Variants in CRB1 observed in about 807,000 individuals in gnomAD.
CRB1 encodes crumbs cell polarity complex component 1.
In CRB1, 83 loss-of-function variants were observed where a neutral mutation model predicts 120.0. The observed-to-expected ratio is 0.69, with a 90% CI of 0.58 to 0.83. CRB1 has a LOEUF of 0.83. CRB1 is among the 40% of genes least tolerant of loss of function. The pLI, the probability that CRB1 is intolerant of heterozygous loss-of-function variation, is 0.00. For synonymous variants in CRB1, 625 were observed against 612.5 expected, an observed-to-expected ratio of 1.02 and a Z score of -0.30; for missense variants, 1,699 against 1,687.6, an observed-to-expected ratio of 1.01 and a Z score of -0.12.
intron 5 of CRB1, among the ~76,000 whole-genome samples, chr1:197,401,445 C>A (rs1663059874): frequency 6.6e-6 from 1 of 152,092 alleles, no homozygotes; most frequent in Non-Finnish European, 1.5e-5. Flanking sequence ...AAAATTTCAT[C>A]TTTTCCATGA....
intron 11 of CRB1, among the ~76,000 whole-genome samples, chr1:197,445,778 C>T (rs1194469569): frequency 6.6e-6 from 1 of 152,200 alleles, no homozygotes; most frequent in Non-Finnish European, 1.5e-5. Flanking sequence ...TGCTTTTGTA[C>T]TTATTCAACA....
intron 11 of CRB1, among the ~76,000 whole-genome samples, chr1:197,451,141 G>A (rs1665952659): frequency 6.6e-6 from 1 of 152,102 alleles, no homozygotes. Context: ...GAATCTGAAT[G>A]ACCGTATTTC....
chr1:197,258,813 G>A, the CRB1 span, among the ~76,000 whole-genome samples: 6 of 152,090 alleles, frequency 3.9e-5, no homozygotes, highest in Admixed American at 2.6e-4. Flanking sequence ...AATAGAACCT[G>A]CTTCATAGTG....
intron 1 of CRB1, among the ~76,000 whole-genome samples, chr1:197,272,278 G>A (rs928672205): frequency 6.6e-6 from 1 of 152,086 alleles, no homozygotes; most frequent in Non-Finnish European, 1.5e-5. Flanking sequence ...TTATTAGTGT[G>A]AGAAAAAGGT....
In CRB1 at chr1:197,428,017, A is replaced by G. The variant is rs1157129539; in HGVS notation, c.2676+16A>G. ...CAGCTGCAAGGTAATGATTACTCAT[A>G]CAAACTAGGTATATACTGTATGCTA... On this transcript the variant is annotated intron_variant, in intron 7 of 11. Transcript: ENST00000367400. 3.7e-6 allele frequency: 6 copies of G among 1,608,548 alleles called. No individual in the cohort carries two copies. The highest frequency in any genetic ancestry group is 5.1e-6 in the Non-Finnish European group (6 of 1,176,008).
intron 2 of CRB1, among the ~76,000 whole-genome samples, chr1:197,334,617 C>T (rs1438467925): frequency 2.0e-5 from 3 of 152,160 alleles, no homozygotes; most frequent in African/African-American, 4.8e-5. Context: ...CCACTGGAAC[C>T]TTGGTCTTGA....
Position 197,379,670 on chromosome 1 carries a change from G to C in CRB1, c.1171+22657G>C, listed in dbSNP as rs540525159. Among the ~76,000 whole-genome samples the C allele has an allele frequency of 5.7e-4, 86 of 150,082 alleles. 2 individuals carry two copies. In the South Asian group the frequency reaches 0.018, roughly 32 times the overall value. ...ATTCAGGAAGTAAATTAAAAGAATG[G>C]TGGAATGGGCTTTTTGCTTTCCATA... On this transcript the variant is annotated intron_variant, in intron 5 of 11. Transcript: ENST00000367400.
At chr1:197,369,996 C>G (rs923191562) in intron 5 of CRB1, among the ~76,000 whole-genome samples, 1 of 152,080 alleles carries the variant, frequency 6.6e-6, no homozygotes, top group Non-Finnish European at 1.5e-5. Flanking sequence ...ATTGCTTCAT[C>G]TAGGAAATTA....
intron 5 of CRB1, among the ~76,000 whole-genome samples, chr1:197,399,663 C>T (rs575782045): frequency 2.6e-5 from 4 of 152,286 alleles, no homozygotes; most frequent in Non-Finnish European, 4.4e-5. Flanking sequence ...AATGGCTTAG[C>T]TGTATTCTCT....
At chr1:197,232,893 A>C in the CRB1 span, among the ~76,000 whole-genome samples, 242 of 152,246 alleles carry the variant, frequency 1.6e-3, 2 homozygotes, top group Admixed American at 6.7e-3. Flanking sequence ...CCCCTCTATT[A>C]GAATGAAGAC....
At chr1:197,473,661 G>A (rs533901016) in intron 11 of CRB1, among the ~76,000 whole-genome samples, 4 of 151,758 alleles carry the variant, frequency 2.6e-5, no homozygotes, top group Non-Finnish European at 5.9e-5. Flanking sequence ...AATTAATTTG[G>A]GGTATGTCTT....
intron 1 of CRB1, among the ~76,000 whole-genome samples, chr1:197,305,800 C>A (rs901211228): frequency 7.9e-5 from 12 of 151,148 alleles, no homozygotes; most frequent in African/African-American, 2.9e-4. Flanking sequence ...GGAGTTCTTG[C>A]AATTCCTCTA....
chr1:197,405,494 C>G (rs1051457473), intron 5 of CRB1, among the ~76,000 whole-genome samples: 22 of 152,100 alleles, frequency 1.4e-4, no homozygotes, highest in Non-Finnish European at 2.2e-4. Context: ...TGCCCGGCCG[C>G]CACCCCGTCT....
chr1:197,354,003 G>GA (rs1033052296), intron 4 of CRB1, among the ~76,000 whole-genome samples: 5 of 134,308 alleles, frequency 3.7e-5, no homozygotes, highest in Non-Finnish European at 6.4e-5. Context: ...AAAAAAACAG[G>GA]AAAAAATATG....
chr1:197,373,083 T>C (rs114937742), intron 5 of CRB1, among the ~76,000 whole-genome samples: 1 of 152,132 alleles, frequency 6.6e-6, no homozygotes, highest in Non-Finnish European at 1.5e-5. Context: ...TCTCCCTCCA[T>C]GGCCATGAAA....
At chr1:197,276,852 C>T (rs1402092613) in intron 1 of CRB1, among the ~76,000 whole-genome samples, 3 of 151,952 alleles carry the variant, frequency 2.0e-5, no homozygotes, top group African/African-American at 2.4e-5. Context: ...ATTAGGACAC[C>T]TTAAGCAAAT....
intron 9 of CRB1, among the ~76,000 whole-genome samples, chr1:197,437,003 A>G (rs1373710737): frequency 6.6e-6 from 1 of 152,102 alleles, no homozygotes; most frequent in South Asian, 2.1e-4. Context: ...AAGAAAGACT[A>G]TTTTTCTTCT....
At chr1:197,403,860 A>G (rs916219959) in intron 5 of CRB1, among the ~76,000 whole-genome samples, 1 of 152,132 alleles carries the variant, frequency 6.6e-6, no homozygotes, top group African/African-American at 2.4e-5. Context: ...TTTGCTAACA[A>G]AATAAATCTG....
At chr1:197,429,718 AT>A in intron 8 of CRB1, 104 bp downstream of exon 8, 1 of 1,222,924 alleles carries the variant, frequency 8.2e-7, no homozygotes, top group Non-Finnish European at 1.2e-6. Context: ...AGTTTATTAA[AT>A]TAATCTATGG....
Sources: gnomAD v4.1 joint callset for allele counts (sites outside exome capture counted in the v4.1 genomes callset) on GRCh38, gnomAD v4.1.1 for gene constraint, MANE v1.5 for transcripts, NCBI Gene and HGNC (gene_info 2026-07-23, HGNC 2026-07-21) for gene names.